PIP4P2: variants seen among roughly 807,000 people sequenced by gnomAD.
PIP4P2 encodes the protein phosphatidylinositol-4,5-bisphosphate 4-phosphatase 2, also known as type 2 phosphatidylinositol 4,5-bisphosphate 4-phosphatase.
Under a neutral mutation model 33.3 loss-of-function variants are expected in PIP4P2, and 19 were observed. The observed-to-expected ratio is 0.57, with a 90% CI of 0.40 to 0.84. The LOEUF (loss-of-function observed/expected upper bound fraction) is 0.84. Ranked by LOEUF, PIP4P2 falls within the 40% of genes least tolerant of loss-of-function variation. The pLI is 0.00. For missense variants in PIP4P2, 270 were observed against 324.7 expected, an observed-to-expected ratio of 0.83 and a Z score of 1.29; for synonymous variants, 110 against 111.9, an observed-to-expected ratio of 0.98 and a Z score of 0.11.
chr8:91,036,225 G>C (rs985798708), intron 1 of PIP4P2, among the ~76,000 whole-genome samples: 1 of 149,834 alleles, frequency 6.7e-6, no homozygotes, highest in African/African-American at 2.5e-5. Flanking sequence ...CCTAAGAAAC[G>C]AGGACTAAGA....
Position 91,040,789 on chromosome 8 carries a change from G to T in PIP4P2, c.-40C>A, listed in dbSNP as rs760257454. ...CGGGGCCTGGGGAGGCCGAGCCGGG[G>T]TTGCGGCCTCGGCGGAGTGGTGGCT... On this transcript the variant is annotated 5_prime_UTR_variant, in exon 1 of 7. Transcript: ENST00000285419. 3.8e-6 allele frequency: 6 copies of T among 1,593,952 alleles called. No individual in the cohort carries two copies. The Admixed American group carries it at 5.0e-5, about 13-fold the overall frequency.
chr8:90,999,983 C>A (rs183188317), intron 5 of PIP4P2, among the ~76,000 whole-genome samples: 56 of 152,062 alleles, frequency 3.7e-4, no homozygotes, highest in African/African-American at 1.2e-3. Flanking sequence ...TATTTCCAGA[C>A]TTCTTTTATA....
intron 1 of PIP4P2, among the ~76,000 whole-genome samples, chr8:91,030,202 A>G (rs1812143928): frequency 7.1e-6 from 1 of 140,448 alleles, no homozygotes. Flanking sequence ...CGACAGAGCA[A>G]GACTCCATCT....
chr8:90,996,583 TCCCAGG>T (rs1811631864), intron 6 of PIP4P2, 65 bp downstream of exon 6: 4 of 1,319,562 alleles, frequency 3.0e-6, no homozygotes, highest in Non-Finnish European at 4.2e-6. Context: ...CTGAAGGTTG[TCCCAGG>T]CCTCATGATT....
Position 91,040,644 on chromosome 8 carries a change from C to T in PIP4P2, c.106G>A (p.Ala36Thr). 6.2e-7 allele frequency: 1 copy of T among 1,613,752 alleles called. No individual in the cohort carries two copies. Among genetic ancestry groups the T allele is most frequent in the Non-Finnish European group, 8.5e-7 (1 of 1,180,012 alleles). Residue 36 changes from alanine (A) to threonine (T), a missense_variant and splice_region_variant, in exon 1 of 7, where the codon GCG becomes ACG. Transcript: ENST00000285419. ...PPYLQESSPR[A>T]ELPPPYTAIA... ...GTAGAGGGATCTACGCTGGCCTTACCTCTGGGGCTGCTTTCTTGCAAGTAC... is the reference window on the plus strand; with the variant it reads ...GTAGAGGGATCTACGCTGGCCTTACTTCTGGGGCTGCTTTCTTGCAAGTAC...
At chr8:91,008,395 T>C (rs1260796811) in intron 5 of PIP4P2, among the ~76,000 whole-genome samples, 1 of 152,118 alleles carries the variant, frequency 6.6e-6, no homozygotes, top group Non-Finnish European at 1.5e-5. Flanking sequence ...CCAGAACAAT[T>C]TGAGTTTTCT....
At chr8:91,014,732 T>A (rs1169974940) in intron 4 of PIP4P2, among the ~76,000 whole-genome samples, 1 of 147,858 alleles carries the variant, frequency 6.8e-6, no homozygotes, top group Non-Finnish European at 1.5e-5. Context: ...ATTAAGAAGG[T>A]AGATCTTTAG....
chr8:91,009,704 T>C (rs57888822), intron 4 of PIP4P2, among the ~76,000 whole-genome samples: 4,596 of 152,002 alleles, frequency 0.03, 224 homozygotes, highest in African/African-American at 0.1. Flanking sequence ...AACTTATGGA[T>C]ATTCAAACGT....
intron 1 of PIP4P2, among the ~76,000 whole-genome samples, chr8:91,035,888 G>A (rs760042778): frequency 6.6e-6 from 1 of 151,988 alleles, no homozygotes; most frequent in African/African-American, 2.4e-5. Context: ...AAAATTAGAC[G>A]AGTGTGGTGG....
Position 91,021,324 on chromosome 8 carries a change from A to T in PIP4P2, c.187T>A (p.Ser63Thr). ...AGCTTGCCATCCAAATTGATTAGTG[A>T]TTGGCACACACGGCAGTTTATTACT... ...IPVINCRVCQ[S>T]LINLDGKLHQ... Residue 63 changes from serine (S) to threonine (T), a missense_variant, in exon 2 of 7, where the codon TCA becomes ACA. Physicochemically the swap from Ser to Thr is moderately conservative, Grantham distance 58. Coordinates refer to ENST00000285419, the MANE Select transcript of PIP4P2 (RefSeq NM_018710.3). 6.2e-7 allele frequency: 1 copy of T among 1,613,854 alleles called. No individual in the cohort carries two copies. Among genetic ancestry groups the T allele is most frequent in the African/African-American group, 1.3e-5 (1 of 75,036 alleles).
At chr8:91,028,681 C>T (rs1157572009) in intron 1 of PIP4P2, among the ~76,000 whole-genome samples, 2 of 152,216 alleles carry the variant, frequency 1.3e-5, no homozygotes, top group African/African-American at 4.8e-5. Context: ...GTCCCCGGAA[C>T]TGATACCAAA....
At chr8:90,996,593 C>G (rs1316785499) in intron 6 of PIP4P2, 61 bp downstream of exon 6, 7 of 1,435,776 alleles carry the variant, frequency 4.9e-6, no homozygotes, top group Non-Finnish European at 6.7e-6. Flanking sequence ...TCCCAGGCCT[C>G]ATGATTGACT....
At chr8:91,035,872 T>C (rs988379479) in intron 1 of PIP4P2, among the ~76,000 whole-genome samples, 1 of 151,978 alleles carries the variant, frequency 6.6e-6, no homozygotes, top group Non-Finnish European at 1.5e-5. Context: ...CTATAAAAAA[T>C]ACAACAAAAT....
chr8:91,033,911 C>G (rs1812202481), intron 1 of PIP4P2, among the ~76,000 whole-genome samples: 1 of 152,186 alleles, frequency 6.6e-6, no homozygotes, highest in South Asian at 2.1e-4. Context: ...TCATGAGTAG[C>G]TGGGACTACA....
chr8:91,001,882 C>T (rs1038121810), intron 5 of PIP4P2, among the ~76,000 whole-genome samples: 22 of 152,016 alleles, frequency 1.4e-4, no homozygotes, highest in Non-Finnish European at 1.6e-4. Flanking sequence ...ATTTGCTTTT[C>T]GCAGGCTCCC....
In PIP4P2 at chr8:91,003,487, T is replaced by C. The variant is rs548495970; in HGVS notation, c.539+5256A>G. On this transcript the variant is annotated intron_variant, in intron 5 of 6. Coordinates refer to ENST00000285419, the MANE Select transcript of PIP4P2 (RefSeq NM_018710.3). Reference sequence around the variant, plus strand: ...ACAGACAGGATAACATTCATTAAAATAATATATTCTTTTTCTAGAAATAAT... The same window carrying C: ...ACAGACAGGATAACATTCATTAAAACAATATATTCTTTTTCTAGAAATAAT... Among the ~76,000 whole-genome samples, 7 of 152,288 alleles carry C rather than the reference T, an allele frequency of 4.6e-5. 1 individual carries two copies. The South Asian group carries it at 6.2e-4, about 14-fold the overall frequency.
chr8:91,021,352 A>G lies in PIP4P2; in HGVS notation c.159T>C (p.Ile53=). ...GGCACACACGGCAGTTTATTACTGG[A>G]ATACCACTGGCGTCTGGACTGGCAA... ...TAIASPDASG[I]PVINCRVCQS... Residue 53 remains isoleucine, a synonymous_variant, in exon 2 of 7, where the codon ATT becomes ATC. Transcript: ENST00000285419. 2 of 1,613,892 alleles carry G rather than the reference A, an allele frequency of 1.2e-6. No homozygotes were observed. The highest frequency in any genetic ancestry group is 2.7e-5 in the African/African-American group (2 of 75,046).
At chr8:91,020,900 A>G (rs1404664040) in intron 2 of PIP4P2, among the ~76,000 whole-genome samples, 1 of 152,338 alleles carries the variant, frequency 6.6e-6, no homozygotes, top group East Asian at 1.9e-4. Flanking sequence ...TACATCTGTA[A>G]TGAAGTTTAG....
chr8:91,008,668 T>A (rs1811791993), intron 5 of PIP4P2, 75 bp downstream of exon 5: 2 of 1,395,884 alleles, frequency 1.4e-6, no homozygotes, highest in Non-Finnish European at 2.0e-6. Context: ...CAAAATCTAC[T>A]TAAGTGAAAA....
Sources: allele counts gnomAD v4.1 joint callset (sites outside exome capture counted in the v4.1 genomes callset), GRCh38; gene constraint gnomAD v4.1.1; transcripts MANE v1.5; gene names NCBI Gene and HGNC (gene_info 2026-07-23, HGNC 2026-07-21).